The following EFCAB6 variants were observed in gnomAD, a reference collection of about 807,000 sequenced individuals.
EFCAB6 encodes EF-hand calcium binding domain 6, also known as EF-hand calcium-binding domain-containing protein 6.
Under a neutral mutation model 169.8 loss-of-function variants are expected in EFCAB6, and 156 were observed. That is an observed-to-expected ratio of 0.92 (90% confidence interval 0.81 to 1.05). EFCAB6 has a LOEUF of 1.05. EFCAB6 is among the 50% of genes least tolerant of loss of function. The pLI is 0.00. For synonymous variants in EFCAB6, 698 were observed against 676.4 expected, an observed-to-expected ratio of 1.03 and a Z score of -0.50; for missense variants, 1,800 against 1,829.1, an observed-to-expected ratio of 0.98 and a Z score of 0.29.
rs2059960476 is a variant in EFCAB6 at position 43,731,800 on chromosome 22, T to G, written c.656A>C (p.His219Pro). ...RDEEYEKFSK[H>P]YNIHKDTAVD... ...TGCAGTATCCTTGTGGATGTTGTAGTGTTTCGAAAACCTAAAATACAAATG... is the reference window on the plus strand; with the variant it reads ...TGCAGTATCCTTGTGGATGTTGTAGGGTTTCGAAAACCTAAAATACAAATG... The change falls in exon 8 of 32, where the codon CAC becomes CCC. Residue 219 changes from histidine (H) to proline (P), a missense_variant. Physicochemically the swap from His to Pro is moderately conservative, Grantham distance 77. Transcript: ENST00000262726. 2 of 1,571,072 alleles carry G rather than the reference T, an allele frequency of 1.3e-6. No individual in the cohort carries two copies.
chr22:43,796,353 A>C (rs910384519), intron 2 of EFCAB6, among the ~76,000 whole-genome samples: 10 of 152,194 alleles, frequency 6.6e-5, no homozygotes, highest in African/African-American at 2.4e-4. Context: ...AGTTGAACTA[A>C]ATTAAGTAAT....
chr22:43,703,273 A>G (rs2058832374), intron 10 of EFCAB6, among the ~76,000 whole-genome samples: 1 of 152,244 alleles, frequency 6.6e-6, no homozygotes, highest in Non-Finnish European at 1.5e-5. Context: ...CCAGCCATCT[A>G]GAACACCCAA....
At chr22:43,670,702 C>T (rs2057452123) in intron 15 of EFCAB6, among the ~76,000 whole-genome samples, 1 of 152,244 alleles carries the variant, frequency 6.6e-6, no homozygotes, top group Non-Finnish European at 1.5e-5. Context: ...GTTGCCACAA[C>T]TGTGAACAAA....
rs150403777 is a variant in EFCAB6 at position 43,798,651 on chromosome 22, C to T, written c.-8+10344G>A. Among the ~76,000 whole-genome samples the T allele has an allele frequency of 2.5e-3, 381 of 152,332 alleles. 4 individuals are homozygous for T. Among genetic ancestry groups the T allele is most frequent in the African/African-American group, 8.8e-3 (366 of 41,572 alleles). ...TAAAGACTAGAGCCAAGGCAACTGA[C>T]ATCATCACTACGTCTCCAGACCCGA... On this transcript the variant is annotated intron_variant, in intron 2 of 31. Coordinates refer to ENST00000262726, the MANE Select transcript of EFCAB6 (RefSeq NM_022785.4).
chr22:43,754,318 C>T (rs573315680), intron 6 of EFCAB6, among the ~76,000 whole-genome samples: 36 of 152,278 alleles, frequency 2.4e-4, no homozygotes, highest in Non-Finnish European at 4.1e-4. Flanking sequence ...CCTGAGACCA[C>T]GTGGTTGGTA....
chr22:43,787,862 G>C (rs1030530670), intron 2 of EFCAB6, among the ~76,000 whole-genome samples: 1 of 152,110 alleles, frequency 6.6e-6, no homozygotes, highest in African/African-American at 2.4e-5. Context: ...TTAATAGAAA[G>C]CAACAGTGAT....
intron 26 of EFCAB6, among the ~76,000 whole-genome samples, chr22:43,562,069 C>T (rs747633675): frequency 6.6e-6 from 1 of 152,144 alleles, no homozygotes; most frequent in East Asian, 1.9e-4. Context: ...AACAAGCAAA[C>T]AAACAAACAA....
At chr22:43,560,099 C>G (rs2048940716) in intron 26 of EFCAB6, among the ~76,000 whole-genome samples, 1 of 152,070 alleles carries the variant, frequency 6.6e-6, no homozygotes, top group Non-Finnish European at 1.5e-5. Context: ...TGAAGCAAGA[C>G]TGGAATAAAT....
intron 23 of EFCAB6, among the ~76,000 whole-genome samples, chr22:43,598,513 T>C (rs983477420): frequency 6.6e-6 from 1 of 151,962 alleles, no homozygotes; most frequent in African/African-American, 2.4e-5. Flanking sequence ...AGTAGGGAAA[T>C]TATACTTAAC....
intron 8 of EFCAB6, among the ~76,000 whole-genome samples, chr22:43,722,771 C>A (rs1350760820): frequency 6.7e-6 from 1 of 148,488 alleles, no homozygotes; most frequent in Non-Finnish European, 1.5e-5. Flanking sequence ...CATTGTAGCA[C>A]TATTCACCAT....
chr22:43,683,989 T>C, intron 11 of EFCAB6, 134 bp from the exon 12 acceptor site: 2 of 653,324 alleles, frequency 3.1e-6, no homozygotes, highest in Non-Finnish European at 5.3e-6. Context: ...TTCCTGACAG[T>C]GTGCTGCACT....
chr22:43,728,225 C>T (rs932091318), intron 8 of EFCAB6, among the ~76,000 whole-genome samples: 4 of 152,106 alleles, frequency 2.6e-5, no homozygotes, highest in African/African-American at 9.7e-5. Context: ...ATCCATGTAC[C>T]AGCAAATGAC....
chr22:43,612,690 G>A (rs1000775085), intron 21 of EFCAB6, among the ~76,000 whole-genome samples: 3 of 152,016 alleles, frequency 2.0e-5, no homozygotes, highest in African/African-American at 2.4e-5. Context: ...TCAGGAGTTC[G>A]AGACCAGCCT....
chr22:43,711,427 G>T (rs766068767), intron 10 of EFCAB6, 48 bp downstream of exon 10: 1 of 1,502,390 alleles, frequency 6.7e-7, no homozygotes, highest in Non-Finnish European at 8.8e-7. Context: ...TTATTCTTAC[G>T]GTTGACGTTT....
At chr22:43,615,406 GA>G (rs1162030572) in intron 21 of EFCAB6, among the ~76,000 whole-genome samples, 1 of 152,176 alleles carries the variant, frequency 6.6e-6, no homozygotes, top group African/African-American at 2.4e-5. Context: ...AAGACAGGAA[GA>G]AACAGCTCTT....
chr22:43,704,248 G>A (rs1049357491), intron 10 of EFCAB6, among the ~76,000 whole-genome samples: 11 of 151,954 alleles, frequency 7.2e-5, no homozygotes, highest in African/African-American at 2.4e-4. Context: ...CCTGACAACC[G>A]AGAATACTTC....
intron 2 of EFCAB6, among the ~76,000 whole-genome samples, chr22:43,792,783 G>A (rs927082221): frequency 6.6e-6 from 1 of 152,126 alleles, no homozygotes; most frequent in African/African-American, 2.4e-5. Context: ...GCTCTTCCCC[G>A]ATATCAAGTT....
intron 6 of EFCAB6, among the ~76,000 whole-genome samples, chr22:43,746,736 C>A (rs2060577466): frequency 6.6e-6 from 1 of 152,174 alleles, no homozygotes; most frequent in Non-Finnish European, 1.5e-5. Context: ...TATAGTAAGA[C>A]CCCATCTCTA....
At chr22:43,597,910 C>T (rs58929924) in intron 23 of EFCAB6, among the ~76,000 whole-genome samples, 110 of 152,212 alleles carry the variant, frequency 7.2e-4, no homozygotes, top group African/African-American at 2.6e-3. Flanking sequence ...AGAAGAAAAT[C>T]GTCATTCACA....
Sources: allele counts gnomAD v4.1 joint callset (sites outside exome capture counted in the v4.1 genomes callset), GRCh38; gene constraint gnomAD v4.1.1; transcripts MANE v1.5; gene names NCBI Gene and HGNC (gene_info 2026-07-23, HGNC 2026-07-21).